MSTO1: variants seen among roughly 807,000 people sequenced by gnomAD.
The protein encoded by MSTO1 is misato mitochondrial distribution and morphology regulator 1.
MSTO1 carries 24 observed loss-of-function variants against 55.7 expected under a neutral mutation model. That is an observed-to-expected ratio of 0.43 (90% CI 0.31 to 0.61). MSTO1 has a LOEUF of 0.61. Among genes scored for constraint, MSTO1 ranks in the 20% least tolerant of loss-of-function variants. MSTO1 has a pLI of 0.09. For synonymous variants in MSTO1, 162 were observed against 252.8 expected, an observed-to-expected ratio of 0.64 and a Z score of 3.41; for missense variants, 363 against 625.7, an observed-to-expected ratio of 0.58 and a Z score of 4.48.
the MSTO1 span, among the ~76,000 whole-genome samples, chr1:155,595,711 T>C: frequency 6.6e-6 from 1 of 152,068 alleles, no homozygotes. Context: ...GCCAGGATGG[T>C]CTCGATCTCC....
the MSTO1 span, chr1:155,590,569 T>A: frequency 9.0e-7 from 1 of 1,114,758 alleles, no homozygotes; most frequent in Non-Finnish European, 1.3e-6. Flanking sequence ...TGGATGGCTC[T>A]AGTGCCAGCG....
chr1:155,609,243 A>ATATATATATATATATATATATATTTTT (rs59756178), upstream of MSTO1, among the ~76,000 whole-genome samples: 1 of 54,576 alleles, frequency 1.8e-5, no homozygotes, highest in Non-Finnish European at 3.0e-5. Flanking sequence ...ATATATATAT[A>ATATATATATATATATATATATATTTTT]TTTTTTTTTT....
the MSTO1 span, among the ~76,000 whole-genome samples, chr1:155,589,192 G>A: frequency 6.6e-6 from 1 of 151,988 alleles, no homozygotes; most frequent in Non-Finnish European, 1.5e-5. Context: ...CAGCTACTCG[G>A]GAGGCTGAGG....
the MSTO1 span, among the ~76,000 whole-genome samples, chr1:155,588,712 T>C: frequency 1.3e-5 from 2 of 152,116 alleles, no homozygotes; most frequent in South Asian, 2.1e-4. Context: ...ATGGTGCTCT[T>C]ACAGCACCAA....
At chr1:155,589,230 G>A in the MSTO1 span, among the ~76,000 whole-genome samples, 9 of 151,996 alleles carry the variant, frequency 5.9e-5, no homozygotes, top group South Asian at 2.1e-4. Context: ...CCCAAGAGGT[G>A]GAGGTTGCAG....
At chr1:155,612,656 G>A in intron 9 of MSTO1, 86 bp downstream of exon 9, 1 of 1,502,832 alleles carries the variant, frequency 6.7e-7, no homozygotes, top group South Asian at 1.3e-5. Context: ...TACTGGCTCT[G>A]TTCTTGAGGC....
At chr1:155,601,137 C>CT in the MSTO1 span, among the ~76,000 whole-genome samples, 10 of 149,214 alleles carry the variant, frequency 6.7e-5, no homozygotes, top group Admixed American at 2.7e-4. Flanking sequence ...ATATTTATTC[C>CT]TTTTTTTTTC....
At chr1:155,610,037 GC>G (rs1235855041), upstream of MSTO1, 30 of 581,244 alleles carry the variant, frequency 5.2e-5, no homozygotes, top group East Asian at 9.1e-4. Flanking sequence ...GTGGAGCCCC[GC>G]CCCTCACAGG....
the MSTO1 span, among the ~76,000 whole-genome samples, chr1:155,588,589 T>C: frequency 2.0e-5 from 3 of 152,198 alleles, no homozygotes; most frequent in South Asian, 6.2e-4. Flanking sequence ...AGATGCCAGG[T>C]CTGTCTGACT....
chr1:155,613,243 G>T lies in MSTO1; in HGVS notation c.1283+10G>T. On this transcript the variant is annotated intron_variant, in intron 11 of 13. Transcript: ENST00000245564. ...GAGCATGCCACACAAGGTGAGAGCT[G>T]TTGGTCCTTAGGAGTCCTTGTCAGA... 1 of 1,611,242 alleles carries T rather than the reference G, an allele frequency of 6.2e-7. No homozygotes were observed. Among genetic ancestry groups the T allele is most frequent in the Non-Finnish European group, 8.5e-7 (1 of 1,178,118 alleles).
intron 10 of MSTO1, 25 bp downstream of exon 10, chr1:155,613,000 G>A (rs764372057): frequency 1.9e-6 from 3 of 1,613,890 alleles, no homozygotes; most frequent in Admixed American, 1.7e-5. Context: ...AAGGGGTTGG[G>A]TCAGTGCTGA....
At chr1:155,598,862 A>G in the MSTO1 span, 281 of 1,451,942 alleles carry the variant, frequency 1.9e-4, 2 homozygotes, top group South Asian at 3.1e-3. Context: ...GGTCTTTGCC[A>G]TGTTATTCAT....
the MSTO1 span, among the ~76,000 whole-genome samples, chr1:155,571,435 T>G: frequency 2.6e-5 from 4 of 152,076 alleles, no homozygotes; most frequent in Admixed American, 2.6e-4. Context: ...TGGACACCCC[T>G]GCTGTAGTCC....
At chr1:155,597,515 C>CT in the MSTO1 span, among the ~76,000 whole-genome samples, 3,135 of 142,944 alleles carry the variant, frequency 0.022, 101 homozygotes, top group African/African-American at 0.074. Context: ...TAATTGCAAA[C>CT]TTTTTTTTTT....
At chr1:155,587,283 A>G in the MSTO1 span, among the ~76,000 whole-genome samples, 2 of 151,976 alleles carry the variant, frequency 1.3e-5, no homozygotes, top group South Asian at 4.1e-4. Flanking sequence ...TCTACTAAAA[A>G]TACAAAATTA....
chr1:155,576,419 C>T, the MSTO1 span, among the ~76,000 whole-genome samples: 2 of 151,760 alleles, frequency 1.3e-5, 1 homozygote, highest in African/African-American at 4.8e-5. Flanking sequence ...TTCCGCCTCC[C>T]GGGTTCAAGT....
At chr1:155,608,802 TTTTTTA>T (rs1338752721), upstream of MSTO1, among the ~76,000 whole-genome samples, 5 of 147,486 alleles carry the variant, frequency 3.4e-5, no homozygotes, top group Admixed American at 2.0e-4. Context: ...GCGCCCGGCC[TTTTTTA>T]TTTTTATTTT....
At chr1:155,602,057 T>G in the MSTO1 span, 1 of 643,516 alleles carries the variant, frequency 1.6e-6, no homozygotes, top group South Asian at 1.4e-5. Flanking sequence ...CCCGGCCTCT[T>G]CTGCCTTTTT....
the MSTO1 span, among the ~76,000 whole-genome samples, chr1:155,581,403 TTTA>T: frequency 1.3e-5 from 2 of 151,978 alleles, no homozygotes; most frequent in Non-Finnish European, 1.5e-5. Flanking sequence ...TACTTTATAT[TTTA>T]TTATTATTAT....
Sources: allele counts gnomAD v4.1 joint callset (sites outside exome capture counted in the v4.1 genomes callset), GRCh38; gene constraint gnomAD v4.1.1; transcripts MANE v1.5; gene names NCBI Gene and HGNC (gene_info 2026-07-23, HGNC 2026-07-21).